ZNF124: variants seen among roughly 807,000 people sequenced by gnomAD.
ZNF124 encodes the protein zinc finger protein HZF-16.
Under a neutral mutation model 26.6 loss-of-function variants are expected in ZNF124, and 25 were observed. That is an observed-to-expected ratio of 0.94 (90% confidence interval 0.68 to 1.31). The LOEUF is 1.31. Ranked by LOEUF, ZNF124 falls within the 40% of genes most tolerant of loss-of-function variation. The pLI is 0.00. For synonymous variants in ZNF124, 129 were observed against 133.3 expected, an observed-to-expected ratio of 0.97 and a Z score of 0.22; for missense variants, 444 against 422.2, an observed-to-expected ratio of 1.05 and a Z score of -0.45.
intron 3 of ZNF124, among the ~76,000 whole-genome samples, chr1:247,133,653 CTTTTTT>C (rs1163588323): frequency 2.4e-5 from 3 of 127,202 alleles, no homozygotes; most frequent in Non-Finnish European, 3.3e-5. Context: ...ATTCAATATT[CTTTTTT>C]TTTTTTTTTT....
chr1:247,125,646 G>T (rs1672198885), intron 3 of ZNF124, among the ~76,000 whole-genome samples: 1 of 115,072 alleles, frequency 8.7e-6, no homozygotes, highest in South Asian at 2.9e-4. Context: ...TCGCCAGGCT[G>T]GTCTCCAACT....
Position 247,158,315 on chromosome 1 carries a change from CCTT to C in ZNF124, c.218+688_218+690del, listed in dbSNP as rs1249983711. Among the ~76,000 whole-genome samples the C allele has an allele frequency of 9.2e-5, 14 of 152,170 alleles. No individual in the cohort carries two copies. In the East Asian group the frequency reaches 2.5e-3, roughly 27 times the overall value. On this transcript the variant is annotated intron_variant, in intron 3 of 3. Transcript: ENST00000543802. The stretch of plus-strand genomic sequence containing the variant: ...GCACTTCCTTTCTCTCTCTCTTGCT[CCTT>C]CTCTCCCCATGTGACATGTCAGCTC...
At chr1:247,169,279 G>A (rs898456401) in intron 1 of ZNF124, among the ~76,000 whole-genome samples, 8 of 152,034 alleles carry the variant, frequency 5.3e-5, no homozygotes, top group Non-Finnish European at 1.0e-4. Flanking sequence ...CCTGGTCCCC[G>A]GTCTCCTCAT....
chr1:247,140,794 T>A (rs1318627348), intron 3 of ZNF124, among the ~76,000 whole-genome samples: 2 of 152,174 alleles, frequency 1.3e-5, no homozygotes, highest in Non-Finnish European at 2.9e-5. Flanking sequence ...TTAGGCATAC[T>A]GGTTAGTTGG....
downstream of ZNF124, among the ~76,000 whole-genome samples, chr1:247,150,898 AT>A (rs1672914909): frequency 6.6e-6 from 1 of 151,870 alleles, no homozygotes; most frequent in Non-Finnish European, 1.5e-5. Flanking sequence ...AACAAATAAA[AT>A]TTTATTAAAA....
At chr1:247,148,607 A>G (rs1159364598) in intron 3 of ZNF124, among the ~76,000 whole-genome samples, 1 of 152,166 alleles carries the variant, frequency 6.6e-6, no homozygotes, top group Non-Finnish European at 1.5e-5. Flanking sequence ...AAGAGACCCA[A>G]CTGGATGCTT....
chr1:247,133,232 G>C (rs1672411402), intron 3 of ZNF124, among the ~76,000 whole-genome samples: 1 of 151,550 alleles, frequency 6.6e-6, no homozygotes, highest in African/African-American at 2.4e-5. Context: ...ATGCAGACAA[G>C]AAGAGAGAAA....
rs572664009 is a variant in ZNF124 at position 247,136,028 on chromosome 1, CAAAAT to C, written c.219-12162_219-12158del. ...AACGAGGTATTGATGGAACATATCT[CAAAAT>C]AATAAGAGCTATTTATGACAACCCC... is the stretch of plus-strand genomic sequence containing the variant. On this transcript the variant is annotated intron_variant, in intron 3 of 3. Coordinates refer to the ZNF124 transcript ENST00000472531. 1.1e-3 allele frequency among the ~76,000 whole-genome samples: 173 copies of C among 152,226 alleles called. 1 individual carries two copies. The highest frequency in any genetic ancestry group is 4.0e-3 in the African/African-American group (165 of 41,550).
intron 3 of ZNF124, among the ~76,000 whole-genome samples, chr1:247,133,305 T>C (rs1030507572): frequency 4.6e-5 from 7 of 151,968 alleles, no homozygotes; most frequent in Non-Finnish European, 1.0e-4. Flanking sequence ...AAGACTGAAC[T>C]TATGATTGAC....
chr1:247,138,559 T>G (rs1175322790), intron 3 of ZNF124: 3 of 382,196 alleles, frequency 7.8e-6, no homozygotes, highest in Non-Finnish European at 1.4e-5. Flanking sequence ...CAAACTCACA[T>G]GTTCTACACG....
exon 4 of ZNF124, chr1:247,122,327 A>G (rs1030135552): frequency 2.6e-5 from 4 of 152,256 alleles, no homozygotes; most frequent in African/African-American, 9.6e-5. Context: ...TGACACATTG[A>G]TAATCATATT....
At chr1:247,135,814 C>CA (rs1306388886) in intron 3 of ZNF124, among the ~76,000 whole-genome samples, 7 of 152,148 alleles carry the variant, frequency 4.6e-5, no homozygotes, top group Non-Finnish European at 1.0e-4. Context: ...AGCAGTACAT[C>CA]AAAAAACTTA....
chr1:247,132,200 T>C (rs1012254962), intron 3 of ZNF124, among the ~76,000 whole-genome samples: 2 of 151,944 alleles, frequency 1.3e-5, no homozygotes. Context: ...GGGACCTGAC[T>C]ACTTAAAGAA....
chr1:247,126,192 T>C (rs1672217908), intron 3 of ZNF124, among the ~76,000 whole-genome samples: 1 of 149,738 alleles, frequency 6.7e-6, no homozygotes, highest in South Asian at 2.1e-4. Flanking sequence ...AGGTTAAGTG[T>C]ATATAAATGA....
At chr1:247,124,662 T>C (rs1672165140) in intron 3 of ZNF124, among the ~76,000 whole-genome samples, 2 of 152,238 alleles carry the variant, frequency 1.3e-5, no homozygotes, top group Non-Finnish European at 2.9e-5. Context: ...ACTTTCTGTC[T>C]CTATTTGCCA....
chr1:247,151,478 C>CAAAA (rs565076160), downstream of ZNF124, among the ~76,000 whole-genome samples: 305 of 73,676 alleles, frequency 4.1e-3, 4 homozygotes, highest in African/African-American at 0.013. Context: ...GACTCCGTCT[C>CAAAA]AAAAAAAAAA....
chr1:247,134,944 C>G (rs1017034821), intron 3 of ZNF124, among the ~76,000 whole-genome samples: 4 of 152,172 alleles, frequency 2.6e-5, no homozygotes, highest in African/African-American at 9.7e-5. Flanking sequence ...TTAAGAAACT[C>G]ACTCCAAACC....
At chr1:247,170,385 G>A (rs1674037980) in intron 1 of ZNF124, among the ~76,000 whole-genome samples, 1 of 100,884 alleles carries the variant, frequency 9.9e-6, no homozygotes, top group Admixed American at 9.6e-5. Flanking sequence ...GGAAGAAACT[G>A]GAAATTTAGA....
chr1:247,160,010 G>A lies in ZNF124; in HGVS notation c.31-197C>T, dbSNP rs553340803. 9.8e-5 allele frequency: 48 copies of A among 491,152 alleles called. 1 individual carries two copies. Among genetic ancestry groups the A allele is most frequent in the African/African-American group, 9.1e-4 (35 of 38,444 alleles). The allele number at this position is 491,152 out of a possible 1,614,324, so 30.4% of individuals were successfully genotyped here. ...TTTTTTTTTTTTTTTTTTTTGAGAC[G>A]GAGTCTCACTCTGTTGCCAGGCTGG... On this transcript the variant is annotated intron_variant, in intron 1 of 3. Coordinates refer to ENST00000543802, the MANE Select transcript of ZNF124 (RefSeq NM_001297568.2).
Sources: allele counts gnomAD v4.1 joint callset (sites outside exome capture counted in the v4.1 genomes callset), GRCh38; gene constraint gnomAD v4.1.1; transcripts MANE v1.5; gene names NCBI Gene and HGNC (gene_info 2026-07-23, HGNC 2026-07-21).